EBF3: variants seen among roughly 807,000 people sequenced by gnomAD.
EBF3 encodes EBF transcription factor 3, also known as transcription factor COE3.
EBF3 carries 18 observed loss-of-function variants against 77.1 expected under a neutral mutation model. That is an observed-to-expected ratio of 0.23 (90% confidence interval 0.16 to 0.35). EBF3 has a LOEUF of 0.35. EBF3 is among the 10% of genes least tolerant of loss of function. The probability of loss-of-function intolerance (pLI) is 1.00; values close to 1 mark genes in which losing one functional copy is unlikely to be tolerated. For missense variants in EBF3, 558 were observed against 860.0 expected (o/e 0.65, Z 4.39); for synonymous variants, 350 against 343.5 (o/e 1.02, Z -0.21).
chr10:129,936,258 T>C (rs1398673928), intron 6 of EBF3, among the ~76,000 whole-genome samples: 1 of 152,182 alleles, frequency 6.6e-6, no homozygotes, highest in African/African-American at 2.4e-5. Context: ...TGAGGTCCCC[T>C]GGCTTCTACC....
At chr10:129,914,582 T>C (rs529340177) in intron 6 of EBF3, among the ~76,000 whole-genome samples, 103 of 152,204 alleles carry the variant, frequency 6.8e-4, no homozygotes, top group African/African-American at 2.3e-3. Context: ...GTTCCTCCTC[T>C]GAGGGTAGGA....
intron 10 of EBF3, among the ~76,000 whole-genome samples, chr10:129,858,204 A>G (rs1390965225): frequency 2.6e-5 from 4 of 152,176 alleles, no homozygotes; most frequent in African/African-American, 7.2e-5. Context: ...CTGCAGCCCA[A>G]TACCCTCCGT....
rs1045672369 is a variant in EBF3 at position 129,836,481 on chromosome 10, C to T, written c.*1462G>A. ...GCACAGAATCTACTAGGATTTGTCA[C>T]GGCCGGGTGGCACCGATTTGTTTTG... On this transcript the variant is annotated 3_prime_UTR_variant, in exon 17 of 17. Transcript: ENST00000440978. 23 of 152,638 alleles carry T rather than the reference C, an allele frequency of 1.5e-4. No homozygotes were observed. The highest frequency in any genetic ancestry group is 3.4e-4 in the African/African-American group (14 of 41,516). The allele number at this position is 152,638 out of a possible 1,614,324, so 9.5% of individuals were successfully genotyped here. A position where few individuals can be genotyped will look rare whatever the true frequency, so the allele number is the denominator to read the frequency against.
intron 6 of EBF3, among the ~76,000 whole-genome samples, chr10:129,951,992 G>A (rs1464419662): frequency 1.3e-5 from 2 of 152,246 alleles, no homozygotes; most frequent in Non-Finnish European, 2.9e-5. Flanking sequence ...ATTCACACCT[G>A]AGCCCGGCGA....
At chr10:129,951,167 G>C (rs1163792897) in intron 6 of EBF3, among the ~76,000 whole-genome samples, 1 of 152,186 alleles carries the variant, frequency 6.6e-6, no homozygotes. Flanking sequence ...TCGGCATCAC[G>C]AGAAGGCCTC....
chr10:129,948,416 C>G lies in EBF3; in HGVS notation c.554+8842G>C, dbSNP rs558040875. ...GGGTTCAGGAAAGGGGGAGGGGTGGCTAGGTGGAGCACATGTGAAACTATT... is the reference window on the plus strand; with the variant it reads ...GGGTTCAGGAAAGGGGGAGGGGTGGGTAGGTGGAGCACATGTGAAACTATT... On this transcript the variant is annotated intron_variant, in intron 6 of 16. Coordinates refer to ENST00000440978, the MANE Select transcript of EBF3 (RefSeq NM_001375380.1). Among the ~76,000 whole-genome samples the G allele has an allele frequency of 1.2e-3, 181 of 152,154 alleles. 1 individual carries two copies. The highest frequency in any genetic ancestry group is 1.8e-3 in the Non-Finnish European group (122 of 68,014).
At chr10:129,931,512 C>T (rs1857025313) in intron 6 of EBF3, among the ~76,000 whole-genome samples, 1 of 152,226 alleles carries the variant, frequency 6.6e-6, no homozygotes, top group Non-Finnish European at 1.5e-5. Flanking sequence ...GAACTGGGCC[C>T]TTAAATGACA....
intron 11 of EBF3, among the ~76,000 whole-genome samples, chr10:129,846,271 G>A (rs1001206904): frequency 2.0e-5 from 3 of 151,812 alleles, no homozygotes; most frequent in Admixed American, 1.3e-4. Context: ...CACTATTCGC[G>A]TGCATCCAAA....
intron 5 of EBF3, among the ~76,000 whole-genome samples, chr10:129,957,575 G>T (rs1232586482): frequency 2.0e-5 from 3 of 152,160 alleles, no homozygotes; most frequent in Admixed American, 6.5e-5. Context: ...TATATAGATT[G>T]TGATGCTAAA....
At chr10:129,839,940 C>A (rs766321964) in intron 15 of EBF3, among the ~76,000 whole-genome samples, 1 of 152,252 alleles carries the variant, frequency 6.6e-6, no homozygotes, top group Non-Finnish European at 1.5e-5. Context: ...CACCACACTC[C>A]CGCCTTCTCT....
Position 129,835,909 on chromosome 10 carries a change from A to C in EBF3, c.*2034T>G, listed in dbSNP as rs1304947967. On this transcript the variant is annotated 3_prime_UTR_variant, in exon 17 of 17. Coordinates refer to ENST00000440978, the MANE Select transcript of EBF3 (RefSeq NM_001375380.1). ...TGTGGGTTTGGCACTAAGAGGCACG[A>C]TATCTGAAGGAGGTCATTCCAGTTT... 6.6e-6 allele frequency: 1 copy of C among 152,460 alleles called. No homozygotes were observed. The highest frequency in any genetic ancestry group is 1.5e-5 in the Non-Finnish European group (1 of 68,014). The allele number at this position is 152,460 out of a possible 1,614,324, so 9.4% of individuals were successfully genotyped here. A position where few individuals can be genotyped will look rare whatever the true frequency, so the allele number is the denominator to read the frequency against.
chr10:129,860,121 A>G (rs1371156755), intron 10 of EBF3, among the ~76,000 whole-genome samples: 2 of 151,974 alleles, frequency 1.3e-5, no homozygotes, highest in Non-Finnish European at 2.9e-5. Context: ...TTTGTTCTAA[A>G]TGGTCTGCTG....
intron 6 of EBF3, among the ~76,000 whole-genome samples, chr10:129,904,868 C>T (rs1280635952): frequency 3.3e-5 from 5 of 152,198 alleles, no homozygotes; most frequent in Non-Finnish European, 5.9e-5. Context: ...ACAGAAGCAA[C>T]TCCTTAAATA....
chr10:129,866,949 G>A (rs777437230), intron 10 of EBF3, among the ~76,000 whole-genome samples, 192 bp downstream of exon 10: 7 of 152,230 alleles, frequency 4.6e-5, no homozygotes, highest in Non-Finnish European at 7.3e-5. Context: ...CCCCATCCAC[G>A]GCTTCATACG....
chr10:129,867,238 C>G lies in EBF3; in HGVS notation c.942G>C (p.Gln314His). The change falls in exon 10 of 17, where the codon CAG becomes CAC. Residue 314 changes from glutamine to histidine, a missense_variant. This residue lies in a region of EBF3 where 112 missense variants were observed against 207.7 expected (regional missense o/e 0.54). Transcript: ENST00000440978. ...ELITPHAIRV[Q>H]TPPRHIPGVV... is the part of the protein sequence containing the mutation. ...CGCCAGGAATGTGCCTCGGCGGGGT[C>G]TGGACTCGGATGGCATGGGGAGTTA... 1.2e-6 allele frequency: 2 copies of G among 1,614,108 alleles called. No individual in the cohort carries two copies. Among genetic ancestry groups the G allele is most frequent in the Non-Finnish European group, 1.7e-6 (2 of 1,180,012 alleles).
chr10:129,840,747 A>C, intron 14 of EBF3, 97 bp downstream of exon 14: 1 of 1,488,180 alleles, frequency 6.7e-7, no homozygotes, highest in Non-Finnish European at 9.0e-7. Context: ...CCTTTTATCC[A>C]GTAGCTCACA....
intron 7 of EBF3, 108 bp from the exon 8 acceptor site, chr10:129,873,704 A>C (rs1852564811): frequency 1.7e-5 from 21 of 1,223,502 alleles, no homozygotes; most frequent in Non-Finnish European, 2.2e-5. Flanking sequence ...AGGAAATTTC[A>C]CGTGTTCCTG....
At chr10:129,919,930 G>C (rs1380802827) in intron 6 of EBF3, among the ~76,000 whole-genome samples, 2 of 152,186 alleles carry the variant, frequency 1.3e-5, no homozygotes, top group Non-Finnish European at 2.9e-5. Flanking sequence ...AACAGCACAA[G>C]AGAGAAAGCC....
Position 129,867,214 on chromosome 10 carries a change from G to A in EBF3, c.966C>T (p.Gly322=), listed in dbSNP as rs151206880. 44 of 1,614,122 alleles carry A rather than the reference G, an allele frequency of 2.7e-5. No homozygotes were observed. Among genetic ancestry groups the A allele is most frequent in the South Asian group, 5.5e-5 (5 of 91,068 alleles). The part of the protein sequence containing the change: ...RVQTPPRHIP[G]VVEVTLSYKS... ...TGTAGGAGAGGGTCACTTCGACGAC[G>A]CCAGGAATGTGCCTCGGCGGGGTCT... Residue 322 remains glycine (G), a synonymous_variant, in exon 10 of 17, where the codon GGC becomes GGT. Coordinates refer to ENST00000440978, the MANE Select transcript of EBF3 (RefSeq NM_001375380.1).
Sources: gnomAD v4.1 joint callset for allele counts (sites outside exome capture counted in the v4.1 genomes callset) on GRCh38, gnomAD v4.1.1 for gene constraint, gnomAD v4.1.1 regional missense constraint, MANE v1.5 for transcripts, NCBI Gene and HGNC (gene_info 2026-07-23, HGNC 2026-07-21) for gene names.